The following AHRR variants were observed in gnomAD, a reference collection of about 807,000 sequenced individuals.
The protein encoded by AHRR is aryl hydrocarbon receptor repressor.
In AHRR, 28 loss-of-function variants were observed where a neutral mutation model predicts 44.0. The observed-to-expected ratio is 0.64, with a 90% CI of 0.47 to 0.87. AHRR has a LOEUF of 0.87. Among genes scored for constraint, AHRR ranks in the 40% least tolerant of loss-of-function variants. The probability of loss-of-function intolerance (pLI) is 0.00; values close to 1 mark genes in which losing one functional copy is unlikely to be tolerated. For synonymous variants in AHRR, 434 were observed against 407.0 expected, an observed-to-expected ratio of 1.07 and a Z score of -0.80; for missense variants, 990 against 953.9, an observed-to-expected ratio of 1.04 and a Z score of -0.50.
intron 10 of AHRR, among the ~76,000 whole-genome samples, chr5:433,482 G>C (rs1736835868): frequency 6.6e-6 from 1 of 152,364 alleles, no homozygotes; most frequent in African/African-American, 2.4e-5. Flanking sequence ...TGCTGGACAT[G>C]GTGTTTTCTG....
intron 2 of AHRR, among the ~76,000 whole-genome samples, chr5:346,520 A>C (rs1383799154): frequency 7.2e-5 from 11 of 152,180 alleles, no homozygotes; most frequent in Non-Finnish European, 1.6e-4. Context: ...CTCCTTATTT[A>C]ATGTGACAAA....
chr5:334,168 G>A (rs1742036993), intron 1 of AHRR, among the ~76,000 whole-genome samples: 1 of 152,084 alleles, frequency 6.6e-6, no homozygotes, highest in East Asian at 1.9e-4. Context: ...TTTGACTTTG[G>A]ACTGATTCAT....
At chr5:384,920 C>T (rs964464003) in intron 4 of AHRR, among the ~76,000 whole-genome samples, 9 of 151,482 alleles carry the variant, frequency 5.9e-5, no homozygotes, top group East Asian at 2.0e-4. Context: ...CTGAGGCAGG[C>T]GGATCACAAG....
In AHRR at chr5:432,488, G is replaced by A. The variant is rs777305258; in HGVS notation, c.934G>A (p.Glu312Lys). ...AGTAAAAGCCACCACCAGTCTGTGC[G>A]AATCGGAACTGCATGGAAAACCCAA... Reference protein sequence around the residue: ...AKVKATTSLCESELHGKPNYS... With the variant: ...AKVKATTSLCKSELHGKPNYS... The change falls in exon 9 of 11, where the codon GAA becomes AAA. Residue 312 changes from glutamate (E) to lysine (K), a missense_variant. By Grantham distance (56) the Glu-to-Lys change is moderately conservative (BLOSUM62 1). Transcript: ENST00000684583. The A allele has an allele frequency of 8.1e-6, 13 of 1,614,050 alleles. No individual in the cohort carries two copies. Among genetic ancestry groups the A allele is most frequent in the Admixed American group, 3.3e-5 (2 of 60,006 alleles).
chr5:324,682 G>A (rs55797346), intron 1 of AHRR, among the ~76,000 whole-genome samples: 1 of 152,080 alleles, frequency 6.6e-6, no homozygotes, highest in Non-Finnish European at 1.5e-5. Context: ...CCAGCTACTC[G>A]AGAGGCTGAG....
At chr5:410,037 G>T (rs570849135) in intron 4 of AHRR, among the ~76,000 whole-genome samples, 1 of 152,298 alleles carries the variant, frequency 6.6e-6, no homozygotes, top group Non-Finnish European at 1.5e-5. Context: ...CCCACTGATT[G>T]ACCTAGTGCC....
At position 389,469 on chromosome 5, in the gene AHRR, C is replaced by T. The variant is rs1309027653; in HGVS notation, c.351+12753C>T. The stretch of plus-strand genomic sequence containing the variant: ...GCGAGGGAGCCACGTGCTGCGTAGC[C>T]GGAAATCCCAATGCGTGATGCAGCT... On this transcript the variant is annotated intron_variant, in intron 4 of 10. Coordinates refer to ENST00000684583, the MANE Select transcript of AHRR (RefSeq NM_001377236.1). Among the ~76,000 whole-genome samples, 5 of 152,174 alleles carry T rather than the reference C, an allele frequency of 3.3e-5. No individual in the cohort carries two copies. In the East Asian group the frequency reaches 5.8e-4, roughly 18 times the overall value.
At chr5:393,073 C>T (rs1560905239) in intron 4 of AHRR, among the ~76,000 whole-genome samples, 1 of 152,190 alleles carries the variant, frequency 6.6e-6, no homozygotes, top group Non-Finnish European at 1.5e-5. Context: ...CTCCCCTAAC[C>T]CTCTGTTAGA....
At chr5:415,494 C>T (rs1199373290) in intron 5 of AHRR, among the ~76,000 whole-genome samples, 1 of 108,484 alleles carries the variant, frequency 9.2e-6, no homozygotes, top group African/African-American at 5.1e-5. Context: ...GCCTAGGGGC[C>T]GAGTCTCCCT....
intron 4 of AHRR, among the ~76,000 whole-genome samples, chr5:396,438 C>T (rs962472135): frequency 2.0e-5 from 3 of 152,160 alleles, no homozygotes; most frequent in South Asian, 2.1e-4. Context: ...TGGCATACGC[C>T]GGCCACCGTG....
At chr5:373,980 C>T (rs1037338150) in intron 3 of AHRR, among the ~76,000 whole-genome samples, 1 of 151,608 alleles carries the variant, frequency 6.6e-6, no homozygotes, top group Non-Finnish European at 1.5e-5. Flanking sequence ...GGGAGGGGCG[C>T]GCCCCTGCCG....
At position 437,402 on chromosome 5, in the gene AHRR, C is replaced by T. The variant is rs1242156843; in HGVS notation, c.*2568C>T. 1 of 152,370 alleles carries T rather than the reference C, an allele frequency of 6.6e-6. No individual in the cohort carries two copies. The highest frequency in any genetic ancestry group is 2.4e-5 in the African/African-American group (1 of 41,460). 9.4% of individuals were successfully genotyped at this position (152,370 alleles called of 1,614,324 possible). ...CCGAGGAGGGCAGGGAGCTCAGTGA[C>T]TGAGAGTCTTGTGTATCACATGTCT... On this transcript the variant is annotated 3_prime_UTR_variant, in exon 11 of 11. Coordinates refer to ENST00000684583, the MANE Select transcript of AHRR (RefSeq NM_001377236.1).
At chr5:384,782 C>T (rs886426533) in intron 4 of AHRR, among the ~76,000 whole-genome samples, 2 of 152,236 alleles carry the variant, frequency 1.3e-5, no homozygotes, top group African/African-American at 2.4e-5. Flanking sequence ...TTCCCAGATA[C>T]TTGCCACGTC....
intron 4 of AHRR, among the ~76,000 whole-genome samples, chr5:397,365 A>G (rs1734771027): frequency 8.2e-6 from 1 of 121,286 alleles, no homozygotes. Context: ...TTAGCCCCTG[A>G]CCATCCACGT....
At chr5:351,265 G>A (rs945847419) in intron 2 of AHRR, among the ~76,000 whole-genome samples, 2 of 152,170 alleles carry the variant, frequency 1.3e-5, no homozygotes, top group Admixed American at 6.5e-5. Flanking sequence ...ATGCTCAAGA[G>A]AATTGAAAGT....
rs1456865995 is a variant in AHRR at position 370,448 on chromosome 5, C to A, written c.245-6162C>A. 6.6e-6 allele frequency among the ~76,000 whole-genome samples: 1 copy of A among 152,126 alleles called. No individual in the cohort carries two copies. Among genetic ancestry groups the A allele is most frequent in the Admixed American group, 6.5e-5 (1 of 15,272 alleles). ...GACGGGAGAGGTGTCGTAAGGGTCC[C>A]TCAGGAGGGAGCTTGAGCTGGAAGC... On this transcript the variant is annotated intron_variant, in intron 3 of 10. Coordinates refer to ENST00000684583, the MANE Select transcript of AHRR (RefSeq NM_001377236.1). This position sits in a 1 kb window ranked among gnomAD's most constrained non-coding sequence, Gnocchi z 4.5.
rs1373745209 is a variant in AHRR, at chr5:434,779, G to A, written c.2039G>A (p.Ser680Asn). ...ATGGTGCCCGGGATGTTGCCCAAAAGTGCCTTGGCCACGCTGGTCCCGCCC... is the reference window on the plus strand; with the variant it reads ...ATGGTGCCCGGGATGTTGCCCAAAAATGCCTTGGCCACGCTGGTCCCGCCC... ...QGMVPGMLPK[S>N]ALATLVPPQA... Residue 680 changes from serine to asparagine, a missense_variant, in exon 11 of 11, where the codon AGT (serine) becomes AAT (asparagine). Ser to Asn is a conservative substitution (Grantham distance 46, BLOSUM62 1). Transcript: ENST00000684583. The A allele has an allele frequency of 6.4e-7, 1 of 1,558,188 alleles. No individual in the cohort carries two copies.
intron 5 of AHRR, among the ~76,000 whole-genome samples, chr5:415,361 G>A (rs111822900): frequency 0.12 from 7,977 of 64,180 alleles, 200 homozygotes; most frequent in Non-Finnish European, 0.22. Context: ...TAGGGGCCGA[G>A]TCTCCCTGGT....
chr5:361,188 C>T (rs1322107553), intron 3 of AHRR, among the ~76,000 whole-genome samples: 2 of 152,108 alleles, frequency 1.3e-5, no homozygotes, highest in East Asian at 1.9e-4. Flanking sequence ...TGCAGTGAGC[C>T]GAGATCTTGC....
Sources: gnomAD v4.1 joint callset for allele counts (sites outside exome capture counted in the v4.1 genomes callset) on GRCh38, gnomAD v4.1.1 for gene constraint, Gnocchi (gnomAD v3.1) non-coding constraint, MANE v1.5 for transcripts, NCBI Gene and HGNC (gene_info 2026-07-23, HGNC 2026-07-21) for gene names.